The following TG variants were observed in gnomAD, a reference collection of about 807,000 sequenced individuals.
TG encodes thyroglobulin.
TG carries 270 observed loss-of-function variants against 324.7 expected under a neutral mutation model. That is an observed-to-expected ratio of 0.83 (90% CI 0.75 to 0.92). The LOEUF (loss-of-function observed/expected upper bound fraction) is 0.92, where lower values mean the gene tolerates loss of function less well. Ranked by LOEUF, TG falls within the 40% of genes least tolerant of loss-of-function variation. The probability of loss-of-function intolerance (pLI) is 0.00; values close to 1 mark genes in which losing one functional copy is unlikely to be tolerated. For missense variants in TG, 3,591 were observed against 3,456.4 expected, an observed-to-expected ratio of 1.04 and a Z score of -0.98; for synonymous variants, 1,401 against 1,327.0, an observed-to-expected ratio of 1.06 and a Z score of -1.21.
At chr8:133,118,601 A>T (rs150802910) in intron 45 of TG, among the ~76,000 whole-genome samples, 3 of 152,130 alleles carry the variant, frequency 2.0e-5, no homozygotes, top group Admixed American at 6.5e-5. Context: ...CTGGGATTAC[A>T]GGCGTGAGCC....
At chr8:133,042,134 G>A (rs751052288) in intron 41 of TG, among the ~76,000 whole-genome samples, 3 of 152,134 alleles carry the variant, frequency 2.0e-5, no homozygotes, top group Non-Finnish European at 4.4e-5. Flanking sequence ...TGAGCATCCC[G>A]AGATGAAGTA....
intron 25 of TG, 25 bp downstream of exon 25, chr8:132,935,889 T>G: frequency 6.3e-7 from 1 of 1,595,312 alleles, no homozygotes; most frequent in Non-Finnish European, 8.6e-7. Flanking sequence ...CTGGTTGGCT[T>G]AGGCCCGCGG....
rs78126087 is a variant in TG at position 132,879,413 on chromosome 8, C to A, written c.639-2450C>A. ...CCAGTCACATCACCATGCAGAATCC[C>A]AGTTTTCTCATTTGGGAAGTGGAGA... On this transcript the variant is annotated intron_variant, in intron 5 of 47. Transcript: ENST00000220616. Among the ~76,000 whole-genome samples, 13 of 152,118 alleles carry A rather than the reference C, an allele frequency of 8.5e-5. 1 individual carries two copies. The highest frequency in any genetic ancestry group is 8.5e-4 in the Admixed American group (13 of 15,284).
At chr8:132,994,891 A>T in intron 35 of TG, 1 of 1,206,424 alleles carries the variant, frequency 8.3e-7, no homozygotes, top group Non-Finnish European at 1.1e-6. Flanking sequence ...GATTGAGGTA[A>T]TGAGCTCCCT....
At chr8:132,962,544 C>G (rs555810141) in intron 28 of TG, among the ~76,000 whole-genome samples, 1 of 152,212 alleles carries the variant, frequency 6.6e-6, no homozygotes, top group South Asian at 2.1e-4. Context: ...CAGGCTCACT[C>G]GCTTTCATGG....
intron 41 of TG, among the ~76,000 whole-genome samples, chr8:133,044,375 A>G (rs1838898267): frequency 6.6e-6 from 1 of 152,148 alleles, no homozygotes; most frequent in Admixed American, 6.5e-5. Flanking sequence ...GGGAGAATTC[A>G]GACCTCTCTC....
At chr8:133,132,678 C>T (rs1023024475) in intron 46 of TG, among the ~76,000 whole-genome samples, 1 of 152,130 alleles carries the variant, frequency 6.6e-6, no homozygotes, top group Non-Finnish European at 1.5e-5. Context: ...CTACCAGCTA[C>T]TAATAGTCTG....
At chr8:133,096,121 G>A in intron 42 of TG, 85 bp from the exon 43 acceptor site, 1 of 1,512,128 alleles carries the variant, frequency 6.6e-7, no homozygotes, top group South Asian at 1.1e-5. Flanking sequence ...ACCAGTATTG[G>A]CATTCAGTAT....
At chr8:133,062,364 C>A (rs543219746) in intron 41 of TG, among the ~76,000 whole-genome samples, 2 of 152,208 alleles carry the variant, frequency 1.3e-5, no homozygotes, top group Non-Finnish European at 2.9e-5. Flanking sequence ...CTGAGCCTGG[C>A]GAAGGTACCC....
intron 47 of TG, among the ~76,000 whole-genome samples, chr8:133,134,306 C>A (rs951290445): frequency 1.3e-5 from 2 of 152,026 alleles, no homozygotes; most frequent in Admixed American, 6.5e-5. Flanking sequence ...TAGGAAGGGT[C>A]CCCAGGAGAG....
Position 133,011,912 on chromosome 8 carries a change from T to C in TG, c.6274T>C (p.Ser2092Pro), listed in dbSNP as rs776093551. The C allele has an allele frequency of 1.3e-5, 21 of 1,614,100 alleles. No homozygotes were observed. The South Asian group carries it at 2.2e-4, about 17-fold the overall frequency. Residue 2092 changes from serine (S) to proline (P), a missense_variant, in exon 36 of 48, where the codon TCG becomes CCG. Physicochemically the swap from Ser to Pro is moderately conservative, Grantham distance 74. Transcript: ENST00000220616. The stretch of plus-strand genomic sequence containing the variant: ...GCCTTCTCTCCTAGTGTCTCTGGAC[T>C]CGTGGCAGTCCCTGGCCCTCTCTTC... ...PSLTEKVSLD[S>P]WQSLALSSVV...
intron 21 of TG, among the ~76,000 whole-genome samples, chr8:132,920,739 C>A (rs912187902): frequency 2.0e-5 from 3 of 152,190 alleles, no homozygotes; most frequent in African/African-American, 7.2e-5. Flanking sequence ...ACCAGCCAGA[C>A]CAGGTTTGAT....
rs1310897860 is a variant in TG, at chr8:132,906,728, TG to T, written c.3677del (p.Gly1226ValfsTer37). The T allele has an allele frequency of 1.2e-6, 2 of 1,614,208 alleles. No individual in the cohort carries two copies. Among genetic ancestry groups the T allele is most frequent in the Middle Eastern group, 1.7e-4 (1 of 6,058 alleles). On this transcript the variant is annotated frameshift_variant, in exon 17 of 48. Transcript: ENST00000220616. LOFTEE classifies it high-confidence loss of function. The part of the protein sequence containing the change: ...PLPFNASEVV[G>X]GTILCETISG... ...TGCCATTCAACGCGTCGGAGGTGGT[TG>T]GTGGAACAATCCTGTGTGAGACAAT...
intron 21 of TG, among the ~76,000 whole-genome samples, chr8:132,920,415 G>C (rs1587409082): frequency 6.6e-6 from 1 of 152,278 alleles, no homozygotes; most frequent in East Asian, 1.9e-4. Flanking sequence ...GCAGTTTCCT[G>C]GTCAGGAAAG....
At position 132,887,008 on chromosome 8, in the gene TG, A is replaced by T; in HGVS notation, c.1636A>T (p.Lys546Ter). Residue 546 changes from lysine (K) to a stop codon, truncating the protein, a stop_gained, in exon 9 of 48, where the codon AAG (lysine) becomes TAG (stop). Transcript: ENST00000220616. LOFTEE classifies it high-confidence loss of function. ...TGCTAAGAAGGATGGTACTATGAAT[A>T]AGCCAACTGTGGGCAGCTTTGGCTT... ...EAAKKDGTMN[K>*]PTVGSFGFEI... 1 of 1,614,238 alleles carries T rather than the reference A, an allele frequency of 6.2e-7. No homozygotes were observed. Among genetic ancestry groups the T allele is most frequent in the Non-Finnish European group, 8.5e-7 (1 of 1,180,046 alleles).
chr8:133,109,786 G>A (rs533026594), intron 43 of TG, among the ~76,000 whole-genome samples: 1 of 152,272 alleles, frequency 6.6e-6, no homozygotes, highest in East Asian at 1.9e-4. Flanking sequence ...TCCCTTTGCC[G>A]ACATGACTCA....
intron 19 of TG, among the ~76,000 whole-genome samples, 159 bp downstream of exon 19, chr8:132,911,692 C>G (rs1450863844): frequency 6.6e-6 from 1 of 152,190 alleles, no homozygotes; most frequent in Non-Finnish European, 1.5e-5. Context: ...AATCAATAGA[C>G]TTCTTGCCAA....
Position 132,945,422 on chromosome 8 carries a change from A to G in TG, c.5234-3354A>G, listed in dbSNP as rs186045522. On this transcript the variant is annotated intron_variant, in intron 26 of 47. Coordinates refer to ENST00000220616, the MANE Select transcript of TG (RefSeq NM_003235.5). Reference sequence around the variant, plus strand: ...AAGAATGAAAGAGATTGGATGTCCAATTTGGCGATGGGAGAGGGAGATTTA... The same window carrying G: ...AAGAATGAAAGAGATTGGATGTCCAGTTTGGCGATGGGAGAGGGAGATTTA... Among the ~76,000 whole-genome samples, 10 of 152,258 alleles carry G rather than the reference A, an allele frequency of 6.6e-5. No homozygotes were observed. The East Asian group carries it at 1.5e-3, about 23-fold the overall frequency.
At chr8:132,943,246 T>TC (rs1402115712) in intron 26 of TG, among the ~76,000 whole-genome samples, 2 of 152,120 alleles carry the variant, frequency 1.3e-5, no homozygotes, top group African/African-American at 4.8e-5. Context: ...GGTGCTATCC[T>TC]CGTGACAGTG....
Sources: allele counts gnomAD v4.1 joint callset (sites outside exome capture counted in the v4.1 genomes callset), GRCh38; gene constraint gnomAD v4.1.1; transcripts MANE v1.5; gene names NCBI Gene and HGNC (gene_info 2026-07-23, HGNC 2026-07-21).